Variants in CCSER1 observed in about 807,000 individuals in gnomAD.
CCSER1 encodes the protein coiled-coil serine rich protein 1.
CCSER1 carries 41 observed loss-of-function variants against 82.0 expected under a neutral mutation model. The observed-to-expected ratio is 0.50, with a 90% CI of 0.39 to 0.65. The LOEUF is 0.65. Among genes scored for constraint, CCSER1 ranks in the 30% least tolerant of loss-of-function variants. CCSER1 has a pLI of 0.00. For synonymous variants in CCSER1, 414 were observed against 383.9 expected (o/e 1.08, Z -0.92); for missense variants, 1,119 against 1,064.2 (o/e 1.05, Z -0.72).
chr4:90,852,743 G>A (rs750698858), intron 8 of CCSER1, among the ~76,000 whole-genome samples: 6 of 152,146 alleles, frequency 3.9e-5, no homozygotes, highest in Non-Finnish European at 7.3e-5. Flanking sequence ...ACAATTAATT[G>A]ACAAGTGGCA....
intron 1 of CCSER1, among the ~76,000 whole-genome samples, chr4:90,225,680 T>C (rs1743034272): frequency 6.6e-6 from 1 of 152,222 alleles, no homozygotes; most frequent in Non-Finnish European, 1.5e-5. Flanking sequence ...TCTCTCCTGC[T>C]TTTGGTATAG....
intron 9 of CCSER1, among the ~76,000 whole-genome samples, chr4:91,058,356 T>C (rs564014789): frequency 6.6e-6 from 1 of 152,230 alleles, no homozygotes; most frequent in South Asian, 2.1e-4. Context: ...TGGGTAGAGC[T>C]AAAGGCCATT....
chr4:90,411,122 G>A (rs1754705535), intron 4 of CCSER1, among the ~76,000 whole-genome samples: 1 of 152,134 alleles, frequency 6.6e-6, no homozygotes, highest in Admixed American at 6.5e-5. Flanking sequence ...TGAAATTGAG[G>A]CAATAATTAA....
intron 4 of CCSER1, among the ~76,000 whole-genome samples, chr4:90,424,689 C>T (rs1757287821): frequency 6.6e-6 from 1 of 152,174 alleles, no homozygotes; most frequent in South Asian, 2.1e-4. Context: ...TCAACCATCC[C>T]TTAGAATGAT....
chr4:90,258,404 C>T (rs542341092), intron 1 of CCSER1, among the ~76,000 whole-genome samples: 4 of 152,132 alleles, frequency 2.6e-5, no homozygotes, highest in East Asian at 3.9e-4. Flanking sequence ...CCCAGCTACT[C>T]GGGAGACTGA....
chr4:90,906,918 T>C (rs1486715912), intron 8 of CCSER1, among the ~76,000 whole-genome samples: 1 of 152,202 alleles, frequency 6.6e-6, no homozygotes, highest in Non-Finnish European at 1.5e-5. Flanking sequence ...ATTCATTGTG[T>C]GTGTGAATGT....
At chr4:90,552,251 T>A (rs976212180) in intron 5 of CCSER1, among the ~76,000 whole-genome samples, 5 of 152,148 alleles carry the variant, frequency 3.3e-5, no homozygotes, top group Non-Finnish European at 7.4e-5. Context: ...ATAGTGGAGG[T>A]ACATGTTAGT....
intron 5 of CCSER1, among the ~76,000 whole-genome samples, chr4:90,571,490 A>G (rs868355200): frequency 1.3e-5 from 2 of 152,218 alleles, no homozygotes; most frequent in African/African-American, 4.8e-5. Context: ...AGATTAATGC[A>G]GAAACAGAAA....
At chr4:91,244,006 A>T (rs1280207281) in intron 10 of CCSER1, among the ~76,000 whole-genome samples, 2 of 152,268 alleles carry the variant, frequency 1.3e-5, no homozygotes, top group South Asian at 4.1e-4. Flanking sequence ...GCATTTCCTG[A>T]CCTTCCCTGG....
intron 3 of CCSER1, among the ~76,000 whole-genome samples, chr4:90,391,384 T>C (rs529034002): frequency 1.4e-5 from 2 of 142,760 alleles, no homozygotes; most frequent in East Asian, 2.0e-4. Context: ...ATGTGATTAT[T>C]ACACATTGTA....
At chr4:90,700,792 G>A (rs1007798153) in intron 6 of CCSER1, among the ~76,000 whole-genome samples, 5 of 152,158 alleles carry the variant, frequency 3.3e-5, no homozygotes, top group Non-Finnish European at 7.4e-5. Flanking sequence ...GTCTGCTTTT[G>A]AGACGTGACT....
At chr4:91,319,195 T>C (rs948373159) in intron 10 of CCSER1, 3 of 202,418 alleles carry the variant, frequency 1.5e-5, no homozygotes, top group African/African-American at 7.2e-5. Context: ...CTAAAAAGAA[T>C]AGAGTATCAC....
At chr4:91,137,993 G>A (rs1309933427) in intron 10 of CCSER1, among the ~76,000 whole-genome samples, 1 of 98,522 alleles carries the variant, frequency 1.0e-5, no homozygotes. Context: ...TCAATATCGT[G>A]AAAATGGCCA....
At chr4:91,522,777 A>C (rs1292045045) in intron 10 of CCSER1, among the ~76,000 whole-genome samples, 6 of 152,188 alleles carry the variant, frequency 3.9e-5, no homozygotes, top group Admixed American at 6.5e-5. Flanking sequence ...TTTTGGGCTG[A>C]GCTGATGGGG....
At chr4:90,493,729 A>C (rs553916556) in intron 5 of CCSER1, among the ~76,000 whole-genome samples, 4 of 152,294 alleles carry the variant, frequency 2.6e-5, no homozygotes, top group Non-Finnish European at 5.9e-5. Context: ...AGATTTTGTC[A>C]CCACCGCTCC....
At chr4:90,139,134 G>T (rs1479073209) in intron 1 of CCSER1, among the ~76,000 whole-genome samples, 3 of 152,052 alleles carry the variant, frequency 2.0e-5, no homozygotes, top group Non-Finnish European at 4.4e-5. Flanking sequence ...TCTCCAACCT[G>T]CCTCCTCACA....
At chr4:90,247,234 C>T (rs1172643932) in intron 1 of CCSER1, among the ~76,000 whole-genome samples, 1 of 152,248 alleles carries the variant, frequency 6.6e-6, no homozygotes, top group East Asian at 1.9e-4. Flanking sequence ...GTGACTGAAA[C>T]TGTGGAAAGC....
chr4:90,890,124 A>G (rs183727995), intron 8 of CCSER1, among the ~76,000 whole-genome samples: 3 of 152,294 alleles, frequency 2.0e-5, no homozygotes, highest in Non-Finnish European at 4.4e-5. Context: ...TTAATAATGC[A>G]CAAAAACAGT....
chr4:90,580,299 A>C (rs933076984), intron 5 of CCSER1, among the ~76,000 whole-genome samples: 1 of 152,178 alleles, frequency 6.6e-6, no homozygotes, highest in Non-Finnish European at 1.5e-5. Context: ...ACTTCAGGAA[A>C]GTCATTTTGC....
Sources: gnomAD v4.1 joint callset for allele counts (sites outside exome capture counted in the v4.1 genomes callset) on GRCh38, gnomAD v4.1.1 for gene constraint, MANE v1.5 for transcripts, NCBI Gene and HGNC (gene_info 2026-07-23, HGNC 2026-07-21) for gene names.